NISCH: variants seen among roughly 807,000 people sequenced by gnomAD.
The protein encoded by NISCH is nischarin, also known as I-1 receptor candidate protein.
NISCH carries 55 observed loss-of-function variants against 138.4 expected under a neutral mutation model. The ratio of observed to expected loss-of-function variants is 0.40; its 90% CI spans 0.32 to 0.50. NISCH has a LOEUF of 0.50. Among genes scored for constraint, NISCH ranks in the 20% least tolerant of loss-of-function variants. The pLI is 0.71. For synonymous variants in NISCH, 860 were observed against 861.5 expected, an observed-to-expected ratio of 1.00 and a Z score of 0.03; for missense variants, 1,643 against 2,005.5, an observed-to-expected ratio of 0.82 and a Z score of 3.45.
chr3:52,468,774 C>T (rs771917542), intron 3 of NISCH, among the ~76,000 whole-genome samples: 6 of 151,946 alleles, frequency 3.9e-5, no homozygotes, highest in Non-Finnish European at 7.4e-5. Context: ...GAGTTATTCT[C>T]GTGCTGTATA....
intron 16 of NISCH, among the ~76,000 whole-genome samples, chr3:52,489,126 C>T (rs898245793): frequency 1.3e-5 from 2 of 152,180 alleles, no homozygotes; most frequent in Non-Finnish European, 2.9e-5. Context: ...AACAATCCTC[C>T]GCCTCAGCCT....
rs564864537 is a variant in NISCH at position 52,486,827 on chromosome 3, A to G, written c.1704-369A>G. 4.6e-5 allele frequency among the ~76,000 whole-genome samples: 7 copies of G among 152,336 alleles called. No individual in the cohort carries two copies. The South Asian group carries it at 1.5e-3, about 32-fold the overall frequency. On this transcript the variant is annotated intron_variant, in intron 15 of 20. Transcript: ENST00000345716. ...GCCCCGGAGGCCACCAGGGGTGACA[A>G]GTAGATTCATGCCCTGGAGTGTTCC...
rs146742349 is a variant in NISCH, at chr3:52,471,908, C to T, written c.504C>T (p.Cys168=). ...AGCTGCAGCAGGGAAAGCCCACGTG[C>T]GCCAGTGGGGATGCCAAGACCGACC... ...TEQLQQGKPT[C]ASGDAKTDLG... The change falls in exon 5 of 21, where the codon TGC becomes TGT. Residue 168 remains cysteine (C), a synonymous_variant. Transcript: ENST00000345716. 1.5e-4 allele frequency: 248 copies of T among 1,612,718 alleles called. No individual in the cohort carries two copies. Among genetic ancestry groups the T allele is most frequent in the African/African-American group, 3.1e-4 (23 of 74,906 alleles).
chr3:52,488,101 C>T lies in NISCH; in HGVS notation c.2609C>T (p.Thr870Met), dbSNP rs778902440. The T allele has an allele frequency of 8.7e-6, 14 of 1,612,924 alleles. No individual in the cohort carries two copies. The highest frequency in any genetic ancestry group is 3.3e-4 in the Middle Eastern group (2 of 6,062). The change falls in exon 16 of 21, where the codon ACG (threonine) becomes ATG (methionine). Residue 870 changes from threonine to methionine, a missense_variant. Thr to Met is a moderately conservative substitution (Grantham distance 81). Coordinates refer to ENST00000345716, the MANE Select transcript of NISCH (RefSeq NM_007184.4). ...TACAGTGACAAGCGCATGGTGCAGACGGCCGCCGGGGACTACTCAGGCAAC... is the reference window on the plus strand; with the variant it reads ...TACAGTGACAAGCGCATGGTGCAGATGGCCGCCGGGGACTACTCAGGCAAC... ...LVYSDKRMVQ[T>M]AAGDYSGNIE... is the part of the protein sequence containing the mutation.
intron 9 of NISCH, 25 bp from the exon 10 acceptor site, chr3:52,478,072 T>C (rs1707155926): frequency 2.5e-6 from 4 of 1,611,834 alleles, no homozygotes; most frequent in Admixed American, 1.7e-5. Flanking sequence ...TGAGCCACTT[T>C]ACGCTGTTCT....
intron 9 of NISCH, 124 bp downstream of exon 9, chr3:52,477,766 C>G: frequency 1.3e-6 from 1 of 785,368 alleles, no homozygotes; most frequent in East Asian, 2.5e-5. Flanking sequence ...GCTGTCTTCG[C>G]TTTAGGATCC....
intron 7 of NISCH, among the ~76,000 whole-genome samples, chr3:52,475,006 C>G (rs1223494796): frequency 1.6e-4 from 24 of 151,978 alleles, no homozygotes; most frequent in Non-Finnish European, 5.9e-5. Context: ...AAAATCTTTC[C>G]CTGGGTATAG....
At chr3:52,491,315 G>A (rs767544845) in intron 19 of NISCH, 37 bp from the exon 20 acceptor site, 9 of 1,584,968 alleles carry the variant, frequency 5.7e-6, no homozygotes, top group South Asian at 3.5e-5. Flanking sequence ...GCTGGGGAGC[G>A]CCGGCCTGTG....
At chr3:52,458,579 C>T (rs1706542486) in intron 2 of NISCH, 83 bp from the exon 3 acceptor site, 1 of 1,234,150 alleles carries the variant, frequency 8.1e-7, no homozygotes, top group African/African-American at 1.5e-5. Context: ...CTGACAAGCG[C>T]CTGCCCTCAA....
rs1707604708 is a variant in NISCH at position 52,492,744 on chromosome 3, G to A, written c.*262G>A. ...GCACACCAGTGTCGTGTCTGCTGTTGTGGGACCGTTGTTAACACGTGACAC... is the reference window on the plus strand; with the variant it reads ...GCACACCAGTGTCGTGTCTGCTGTTATGGGACCGTTGTTAACACGTGACAC... On this transcript the variant is annotated 3_prime_UTR_variant, in exon 21 of 21. Transcript: ENST00000345716. The A allele has an allele frequency of 3.9e-6, 2 of 513,850 alleles. No homozygotes were observed. The highest frequency in any genetic ancestry group is 3.5e-5 in the Admixed American group (1 of 28,836). 31.8% of individuals were successfully genotyped at this position (513,850 alleles called of 1,614,324 possible).
Position 52,481,371 on chromosome 3 carries a change from A to C in NISCH, c.1528+1076A>C, listed in dbSNP as rs369675367. ...GTCACACCTGTGAGATGTGGAAGAG[A>C]ATTCCTGAGCGTGGAGCGATGGGGT... On this transcript the variant is annotated intron_variant, in intron 13 of 20. Coordinates refer to ENST00000345716, the MANE Select transcript of NISCH (RefSeq NM_007184.4). The C allele has an allele frequency of 5.2e-5, 51 of 989,570 alleles. No individual in the cohort carries two copies. In the African/African-American group the frequency reaches 8.9e-4, roughly 17 times the overall value. 61.3% of individuals were successfully genotyped at this position (989,570 alleles called of 1,614,324 possible). A position where few individuals can be genotyped will look rare whatever the true frequency, so the allele number is the denominator to read the frequency against.
intron 14 of NISCH, among the ~76,000 whole-genome samples, chr3:52,485,415 G>GTGT (rs2153231661): frequency 6.6e-6 from 1 of 152,354 alleles, no homozygotes; most frequent in Non-Finnish European, 1.5e-5. Context: ...TGCCAGGGCT[G>GTGT]TGTCCACTGC....
At position 52,490,032 on chromosome 3, in the gene NISCH, G is replaced by A. The variant is rs756833428; in HGVS notation, c.3457-43G>A. The A allele has an allele frequency of 3.1e-6, 5 of 1,610,676 alleles. 1 individual carries two copies. The highest frequency in any genetic ancestry group is 3.3e-5 in the Admixed American group (2 of 59,866). Reference sequence around the variant, plus strand: ...GTGGGCATGTCCCTGGTATGTGCAGGTTGCTAGGGTGGTGGAGCTGACAGG... The same window carrying A: ...GTGGGCATGTCCCTGGTATGTGCAGATTGCTAGGGTGGTGGAGCTGACAGG... On this transcript the variant is annotated intron_variant, in intron 17 of 20. Transcript: ENST00000345716.
At chr3:52,471,774 T>A (rs1706954988) in intron 4 of NISCH, 40 bp from the exon 5 acceptor site, 2 of 1,611,472 alleles carry the variant, frequency 1.2e-6, no homozygotes, top group Non-Finnish European at 1.7e-6. Flanking sequence ...GGGCTGGGGC[T>A]GCGGCTGGAC....
chr3:52,466,704 G>A (rs1706790052), intron 3 of NISCH, among the ~76,000 whole-genome samples: 1 of 152,124 alleles, frequency 6.6e-6, no homozygotes, highest in South Asian at 2.1e-4. Context: ...CTGGGTGTGT[G>A]CCAAGCCGAA....
In NISCH at chr3:52,491,257, G is replaced by A. The variant is rs1013606446; in HGVS notation, c.3743-95G>A. 30 of 1,499,074 alleles carry A rather than the reference G, an allele frequency of 2.0e-5. 1 individual carries two copies. The highest frequency in any genetic ancestry group is 5.0e-4 in the Middle Eastern group (2 of 3,988). 92.9% of individuals were successfully genotyped at this position (1,499,074 alleles called of 1,614,324 possible). ...GGGCCCTCCTGGCCCTGGCCTCTGG[G>A]CTGAGGCTTGCTAGGGACTCGGGGT... On this transcript the variant is annotated intron_variant, in intron 19 of 20. Transcript: ENST00000345716.
chr3:52,463,755 G>A (rs998324775), intron 3 of NISCH, among the ~76,000 whole-genome samples: 6 of 112,444 alleles, frequency 5.3e-5, no homozygotes, highest in African/African-American at 1.4e-4. Context: ...ACAGAGTCTC[G>A]CTCTGTCGCA....
rs753267458 is a variant in NISCH, at chr3:52,472,349, A to G, written c.620A>G (p.Gln207Arg). The part of the protein sequence containing the change: ...GPFGTSNIQE[Q>R]LLPFDLSIFK... The stretch of plus-strand genomic sequence containing the variant: ...TTTGGGACCAGCAACATTCAGGAGC[A>G]GCTCCTGCCGTTCGACCTATCAATA... Residue 207 changes from glutamine to arginine, a missense_variant, in exon 6 of 21, where the codon CAG becomes CGG. By Grantham distance (43) the Gln-to-Arg change is conservative. Transcript: ENST00000345716. 6.2e-7 allele frequency: 1 copy of G among 1,614,168 alleles called. No individual in the cohort carries two copies. The highest frequency in any genetic ancestry group is 1.7e-5 in the Admixed American group (1 of 60,022).
At chr3:52,483,455 G>T (rs1707327825) in intron 13 of NISCH, among the ~76,000 whole-genome samples, 1 of 152,238 alleles carries the variant, frequency 6.6e-6, no homozygotes, top group Admixed American at 6.5e-5. Context: ...GTTCACAAAG[G>T]CTTTACCTTC....
Sources: allele counts gnomAD v4.1 joint callset (sites outside exome capture counted in the v4.1 genomes callset), GRCh38; gene constraint gnomAD v4.1.1; transcripts MANE v1.5; gene names NCBI Gene and HGNC (gene_info 2026-07-23, HGNC 2026-07-21).